Variants in DGLUCY observed in about 807,000 individuals in gnomAD.
DGLUCY encodes D-glutamate cyclase, also known as D-glutamate cyclase, mitochondrial.
In DGLUCY, 58 loss-of-function variants were observed where a neutral mutation model predicts 58.5. The ratio of observed to expected loss-of-function variants is 0.99; its 90% confidence interval spans 0.80 to 1.23. The LOEUF (loss-of-function observed/expected upper bound fraction) is 1.23. DGLUCY is among the 50% of genes most tolerant of loss of function. DGLUCY has a pLI of 0.00. For missense variants in DGLUCY, 779 were observed against 784.7 expected (o/e 0.99, Z 0.09); for synonymous variants, 325 against 314.1 (o/e 1.03, Z -0.37).
intron 2 of DGLUCY, among the ~76,000 whole-genome samples, chr14:91,158,515 A>G (rs1189194965): frequency 6.6e-6 from 1 of 152,344 alleles, no homozygotes; most frequent in East Asian, 1.9e-4. Context: ...CCTGGGGTTT[A>G]CATTATTTTC....
chr14:91,071,445 T>C (rs2043917558), intron 1 of DGLUCY, among the ~76,000 whole-genome samples: 1 of 151,804 alleles, frequency 6.6e-6, no homozygotes, highest in South Asian at 2.1e-4. Flanking sequence ...GTTGAAATTA[T>C]TCAACCAAGA....
At chr14:91,079,395 G>A (rs551880713) in intron 1 of DGLUCY, among the ~76,000 whole-genome samples, 5 of 143,414 alleles carry the variant, frequency 3.5e-5, no homozygotes, top group African/African-American at 7.8e-5. Context: ...TTGCTCTGTC[G>A]CCAGGCTGGA....
At chr14:91,210,064 T>G (rs2140683334) in intron 12 of DGLUCY, among the ~76,000 whole-genome samples, 1 of 152,206 alleles carries the variant, frequency 6.6e-6, no homozygotes, top group South Asian at 2.1e-4. Flanking sequence ...GTGGATTGCT[T>G]TAGCCTAGAC....
rs979781681 is a variant in DGLUCY at position 91,220,665 on chromosome 14, C to T, written c.1717-4019C>T. ...TCTCCCGCTGCCACACTCCCCAGCC[C>T]GGTCCAGGCAGCCAGCTCTCCCCTG... On this transcript the variant is annotated intron_variant, in intron 13 of 13. Coordinates refer to ENST00000256324, the MANE Select transcript of DGLUCY (RefSeq NM_001102368.3). 6.1e-5 allele frequency: 28 copies of T among 456,074 alleles called. No homozygotes were observed. The East Asian group carries it at 6.9e-4, about 11-fold the overall frequency. The allele number at this position is 456,074 out of a possible 1,614,324, so 28.3% of individuals were successfully genotyped here.
At chr14:91,163,827 C>T (rs1313831348) in intron 3 of DGLUCY, among the ~76,000 whole-genome samples, 3 of 151,922 alleles carry the variant, frequency 2.0e-5, no homozygotes, top group African/African-American at 7.3e-5. Context: ...ATGGGGAGCC[C>T]GGCACATAAA....
chr14:91,186,582 A>G (rs2049536846), intron 8 of DGLUCY, among the ~76,000 whole-genome samples: 1 of 152,130 alleles, frequency 6.6e-6, no homozygotes, highest in Non-Finnish European at 1.5e-5. Flanking sequence ...CATTTTACAA[A>G]TGTTCCACTA....
chr14:91,185,208 A>G (rs1168768099), intron 8 of DGLUCY, among the ~76,000 whole-genome samples: 4 of 149,112 alleles, frequency 2.7e-5, no homozygotes, highest in Non-Finnish European at 1.5e-5. Context: ...GCCTCATGCA[A>G]TCTGCCCACC....
intron 1 of DGLUCY, among the ~76,000 whole-genome samples, chr14:91,076,119 A>G (rs550634858): frequency 1.3e-5 from 2 of 152,162 alleles, no homozygotes; most frequent in East Asian, 1.9e-4. Flanking sequence ...TCTCAAAAAA[A>G]AAAAAAAAGA....
Position 91,205,898 on chromosome 14 carries a change from T to C in DGLUCY, c.1564+1073T>C, listed in dbSNP as rs1241698553. On this transcript the variant is annotated intron_variant, in intron 12 of 13. Transcript: ENST00000256324. Reference sequence around the variant, plus strand: ...CTTTGTTGCCCAGGCTGGAGTGCAGTAGTGCCATCTTGGTCGCTGCAACCT... The same window carrying C: ...CTTTGTTGCCCAGGCTGGAGTGCAGCAGTGCCATCTTGGTCGCTGCAACCT... Among the ~76,000 whole-genome samples the C allele has an allele frequency of 3.6e-5, 5 of 137,318 alleles. No homozygotes were observed. The East Asian group carries it at 9.0e-4, about 25-fold the overall frequency. 90.1% of individuals were successfully genotyped at this position (137,318 alleles called of 152,430 possible). A position where few individuals can be genotyped will look rare whatever the true frequency, so the allele number is the denominator to read the frequency against.
intron 1 of DGLUCY, among the ~76,000 whole-genome samples, chr14:91,127,143 AC>A (rs147379338): frequency 0.026 from 3,858 of 147,244 alleles, 179 homozygotes; most frequent in African/African-American, 0.091. Flanking sequence ...TACAGCCTCA[AC>A]CTCCCAATCT....
At chr14:91,190,683 G>A (rs1057188599) in intron 9 of DGLUCY, among the ~76,000 whole-genome samples, 5 of 152,046 alleles carry the variant, frequency 3.3e-5, no homozygotes, top group Non-Finnish European at 7.4e-5. Context: ...AGGATGGCAT[G>A]CTGGCTGACT....
chr14:91,184,464 A>G (rs932019650), intron 8 of DGLUCY, among the ~76,000 whole-genome samples: 40 of 150,712 alleles, frequency 2.7e-4, no homozygotes, highest in African/African-American at 9.8e-4. Flanking sequence ...TGAGGTGTGC[A>G]GATCGCTTGA....
At chr14:91,081,992 T>C (rs1048297169) in intron 1 of DGLUCY, among the ~76,000 whole-genome samples, 10 of 152,120 alleles carry the variant, frequency 6.6e-5, no homozygotes, top group South Asian at 2.1e-4. Context: ...CATGATTACA[T>C]TGGGCCCACC....
chr14:91,135,720 G>T (rs1474475362), intron 1 of DGLUCY, among the ~76,000 whole-genome samples: 1 of 145,038 alleles, frequency 6.9e-6, no homozygotes, highest in African/African-American at 2.6e-5. Context: ...AACCTTGCTA[G>T]ATGTTCTTTA....
intron 1 of DGLUCY, among the ~76,000 whole-genome samples, chr14:91,118,482 A>C (rs2045142594): frequency 6.6e-6 from 1 of 152,152 alleles, no homozygotes; most frequent in Non-Finnish European, 1.5e-5. Context: ...CAGATACAAA[A>C]AGCAGTTTCA....
intron 13 of DGLUCY, among the ~76,000 whole-genome samples, chr14:91,216,665 C>T (rs1475787176): frequency 6.8e-6 from 1 of 147,528 alleles, no homozygotes; most frequent in Admixed American, 6.7e-5. Flanking sequence ...AAAAAAGAAT[C>T]CCTGGGAAGG....
At chr14:91,198,324 A>G (rs543720954) in intron 10 of DGLUCY, among the ~76,000 whole-genome samples, 1 of 149,654 alleles carries the variant, frequency 6.7e-6, no homozygotes, top group East Asian at 2.0e-4. Context: ...GATTGCAGAC[A>G]TGAGCCACTG....
chr14:91,215,724 G>C (rs756320201), intron 13 of DGLUCY, 168 bp downstream of exon 13: 2 of 1,513,166 alleles, frequency 1.3e-6, no homozygotes, highest in Non-Finnish European at 1.8e-6. Context: ...TGCCCTTTAA[G>C]CTACTCGCAG....
chr14:91,223,013 G>T (rs913530229), intron 13 of DGLUCY, among the ~76,000 whole-genome samples: 2 of 152,270 alleles, frequency 1.3e-5, no homozygotes, highest in East Asian at 3.9e-4. Flanking sequence ...CCTCACTCAT[G>T]ACCTCATCTC....
Sources: allele counts gnomAD v4.1 joint callset (sites outside exome capture counted in the v4.1 genomes callset), GRCh38; gene constraint gnomAD v4.1.1; transcripts MANE v1.5; gene names NCBI Gene and HGNC (gene_info 2026-07-23, HGNC 2026-07-21).